The following TFR2 variants were observed in gnomAD, a reference collection of about 807,000 sequenced individuals.
The protein encoded by TFR2 is transferrin receptor 2, also known as transferrin receptor protein 2.
In TFR2, 64 loss-of-function variants were observed where a neutral mutation model predicts 91.9. The ratio of observed to expected loss-of-function variants is 0.70; its 90% CI spans 0.57 to 0.86. The LOEUF (loss-of-function observed/expected upper bound fraction) is 0.86, where lower values mean the gene tolerates loss of function less well. TFR2 is among the 40% of genes least tolerant of loss of function. The pLI is 0.00. For missense variants in TFR2, 950 were observed against 1,080.5 expected (o/e 0.88, Z 1.69); for synonymous variants, 454 against 459.6 (o/e 0.99, Z 0.15).
chr7:100,638,566 A>G (rs923684066), intron 3 of TFR2, among the ~76,000 whole-genome samples: 1 of 151,696 alleles, frequency 6.6e-6, no homozygotes, highest in Admixed American at 6.6e-5. Flanking sequence ...TCTGCCCAAC[A>G]TGGTGAAACC....
chr7:100,627,213 G>A (rs1280223691), intron 16 of TFR2, 51 bp downstream of exon 16: 15 of 1,525,908 alleles, frequency 9.8e-6, no homozygotes, highest in Non-Finnish European at 1.3e-5. Flanking sequence ...CCCCTGGCCT[G>A]GGCAGTGCCT....
intron 9 of TFR2, 52 bp downstream of exon 9, chr7:100,630,837 A>G (rs1803409985): frequency 5.6e-6 from 9 of 1,610,096 alleles, no homozygotes; most frequent in Non-Finnish European, 5.9e-6. Flanking sequence ...GTATGGGCAG[A>G]AATTCCCCCA....
At chr7:100,639,128 G>A (rs956333017) in intron 3 of TFR2, among the ~76,000 whole-genome samples, 5 of 152,204 alleles carry the variant, frequency 3.3e-5, no homozygotes, top group African/African-American at 9.6e-5. Context: ...TTGGGAAGCC[G>A]AAGCGCTTTG....
chr7:100,632,296 T>TCCATC (rs1272685179), intron 6 of TFR2, 98 bp from the exon 7 acceptor site: 1 of 1,119,486 alleles, frequency 8.9e-7, no homozygotes, highest in African/African-American at 1.5e-5. Flanking sequence ...CTTGCAACTG[T>TCCATC]CCATCCCACG....
chr7:100,639,263 A>T (rs1803642229), intron 3 of TFR2, among the ~76,000 whole-genome samples: 1 of 152,202 alleles, frequency 6.6e-6, no homozygotes. Flanking sequence ...GCTACTCAGG[A>T]GGCTGAGGCA....
chr7:100,626,530 T>A, intron 17 of TFR2: 1 of 1,378,230 alleles, frequency 7.3e-7, no homozygotes, highest in Admixed American at 3.1e-5. Context: ...ACCAGGCGAC[T>A]GTGGCCAAGA....
At chr7:100,631,161 T>A (rs1803420799) in intron 8 of TFR2, 109 bp from the exon 9 acceptor site, 1 of 1,279,116 alleles carries the variant, frequency 7.8e-7, no homozygotes, top group Admixed American at 2.9e-5. Context: ...TCCAGATCGC[T>A]GCCTCTGGAC....
chr7:100,636,162 C>T (rs919170441), intron 3 of TFR2, among the ~76,000 whole-genome samples: 1 of 144,366 alleles, frequency 6.9e-6, no homozygotes, highest in African/African-American at 2.6e-5. Flanking sequence ...CCTGGTCACA[C>T]CCTGCATCTT....
intron 1 of TFR2, 79 bp downstream of exon 1, chr7:100,641,397 GC>G (rs1584464912): frequency 6.3e-7 from 1 of 1,582,020 alleles, no homozygotes; most frequent in Non-Finnish European, 8.6e-7. Flanking sequence ...TCCAGGAGGG[GC>G]CAGCCTCAGG....
Position 100,626,822 on chromosome 7 carries a change from A to AGATCTC in TFR2, c.2071_2076dup (p.Glu691_Ile692dup). On this transcript the variant is annotated inframe_insertion, in exon 17 of 18. Coordinates refer to ENST00000223051, the MANE Select transcript of TFR2 (RefSeq NM_003227.4). ...CGCTCGTCTCTCTCCTCCGAGCTGT[A>AGATCTC]GATCTCCTGCCGCAGCTTTTCCGCC... 1 of 1,549,602 alleles carries AGATCTC rather than the reference A, an allele frequency of 6.5e-7. No homozygotes were observed. The highest frequency in any genetic ancestry group is 8.7e-7 in the Non-Finnish European group (1 of 1,146,952).
chr7:100,626,914 G>C lies in TFR2; in HGVS notation c.1996-11C>G, dbSNP rs1010834565. ...GGTCAGCCCGCGGGCCTGGGGTGGG[G>C]AGGCGCGGGCTGGGGCTGGCGGCAG... is the stretch of plus-strand genomic sequence containing the variant. On this transcript the variant is annotated splice_polypyrimidine_tract_variant and intron_variant, in intron 16 of 17. Coordinates refer to ENST00000223051, the MANE Select transcript of TFR2 (RefSeq NM_003227.4). 3 of 1,534,740 alleles carry C rather than the reference G, an allele frequency of 2.0e-6. No individual in the cohort carries two copies. Among genetic ancestry groups the C allele is most frequent in the Non-Finnish European group, 2.6e-6 (3 of 1,143,190 alleles).
intron 3 of TFR2, among the ~76,000 whole-genome samples, chr7:100,638,823 G>GGTGGGAGGATCACTTGGGTCCAGGA (rs1803631696): frequency 6.6e-6 from 1 of 152,060 alleles, no homozygotes; most frequent in Non-Finnish European, 1.5e-5. Flanking sequence ...GAAAGGCTAA[G>GGTGGGAGGATCACTTGGGTCCAGGA]GTGGGAGGAT....
chr7:100,621,978 C>T (rs1245522510), intron 17 of TFR2, among the ~76,000 whole-genome samples: 1 of 152,176 alleles, frequency 6.6e-6, no homozygotes. Flanking sequence ...TTATCATTGC[C>T]TGGGCACCGC....
At chr7:100,641,289 G>A in intron 1 of TFR2, 61 bp from the exon 2 acceptor site, 2 of 1,514,892 alleles carry the variant, frequency 1.3e-6, no homozygotes, top group African/African-American at 2.8e-5. Context: ...GGAGGCATCT[G>A]GCAATAATGA....
At chr7:100,636,164 C>T (rs1803568023) in intron 3 of TFR2, among the ~76,000 whole-genome samples, 1 of 141,212 alleles carries the variant, frequency 7.1e-6, no homozygotes, top group Admixed American at 8.4e-5. Context: ...TGGTCACACC[C>T]TGCATCTTTT....
Position 100,640,779 on chromosome 7 carries a change from T to C in TFR2, c.380A>G (p.Asp127Gly). ...VVSEDVNYEPDLDFHQGRLYW... is the reference protein window; with the variant it reads ...VVSEDVNYEPGLDFHQGRLYW... ...GAGTCTGCCCTGGTGGAAATCCAGG[T>C]CAGGCTCATAGTTGACATCCTCACT... Residue 127 changes from aspartate (D) to glycine (G), a missense_variant, in exon 3 of 18, where the codon GAC (aspartate) becomes GGC (glycine). Transcript: ENST00000223051. 1 of 1,614,052 alleles carries C rather than the reference T, an allele frequency of 6.2e-7. No individual in the cohort carries two copies. Among genetic ancestry groups the C allele is most frequent in the African/African-American group, 1.3e-5 (1 of 75,006 alleles).
intron 3 of TFR2, among the ~76,000 whole-genome samples, chr7:100,638,156 A>G (rs1413667641): frequency 6.6e-6 from 1 of 152,002 alleles, no homozygotes; most frequent in Non-Finnish European, 1.5e-5. Context: ...GGTGCCCGCC[A>G]CCACGCCCAG....
rs2131311087 is a variant in TFR2 at position 100,626,844 on chromosome 7, C to A, written c.2055G>T (p.Ala685=). Reference sequence around the variant, plus strand: ...TGTAGATCTCCTGCCGCAGCTTTTCCGCCGCCCGGATGTAGTCCCCCCGCG... The same window carrying A: ...TGTAGATCTCCTGCCGCAGCTTTTCAGCCGCCCGGATGTAGTCCCCCCGCG... ...YSARGDYIRA[A]EKLRQEIYSS... is the part of the protein sequence containing the mutation. Residue 685 remains alanine (A), a synonymous_variant, in exon 17 of 18, where the codon GCG becomes GCT. Transcript: ENST00000223051. 6.5e-7 allele frequency: 1 copy of A among 1,549,462 alleles called. No individual in the cohort carries two copies. Among genetic ancestry groups the A allele is most frequent in the Admixed American group, 2.0e-5 (1 of 51,068 alleles).
chr7:100,637,537 T>G (rs1182769248), intron 3 of TFR2, among the ~76,000 whole-genome samples: 1 of 152,098 alleles, frequency 6.6e-6, no homozygotes. Flanking sequence ...GAGGTTACAG[T>G]GAGCTAAGAT....
Sources: gnomAD v4.1 joint callset for allele counts (sites outside exome capture counted in the v4.1 genomes callset) on GRCh38, gnomAD v4.1.1 for gene constraint, MANE v1.5 for transcripts, NCBI Gene and HGNC (gene_info 2026-07-23, HGNC 2026-07-21) for gene names.